Variants in ARHGEF11 observed in about 807,000 individuals in gnomAD.
ARHGEF11 encodes Rho guanine exchange factor (GEF) 11.
Under a neutral mutation model 193.7 loss-of-function variants are expected in ARHGEF11, and 55 were observed. The observed-to-expected ratio is 0.28, with a 90% confidence interval of 0.23 to 0.36. ARHGEF11 has a LOEUF of 0.36. ARHGEF11 is among the 10% of genes least tolerant of loss of function. The pLI, the probability that ARHGEF11 is intolerant of heterozygous loss-of-function variation, is 1.00. For missense variants in ARHGEF11, 1,723 were observed against 2,005.6 expected (o/e 0.86, Z 2.69); for synonymous variants, 693 against 768.0 (o/e 0.90, Z 1.62).
chr1:156,947,284 G>A lies in ARHGEF11; in HGVS notation c.2488+20C>T. ...TGAAGGGCAGCAGAAGAGGAGTCTGGAGGGGCACAGGCTCCTTACTGTGAA... is the reference window on the plus strand; with the variant it reads ...TGAAGGGCAGCAGAAGAGGAGTCTGAAGGGGCACAGGCTCCTTACTGTGAA... On this transcript the variant is annotated intron_variant, in intron 26 of 40. Transcript: ENST00000368194. 6.3e-7 allele frequency: 1 copy of A among 1,589,924 alleles called. No individual in the cohort carries two copies. The highest frequency in any genetic ancestry group is 8.5e-7 in the Non-Finnish European group (1 of 1,170,514).
At chr1:156,962,898 A>G (rs1045388707) in intron 13 of ARHGEF11, among the ~76,000 whole-genome samples, 2 of 150,812 alleles carry the variant, frequency 1.3e-5, no homozygotes, top group African/African-American at 4.9e-5. Flanking sequence ...AAAAAAAAAA[A>G]AAAAAAAAAA....
intron 22 of ARHGEF11, 149 bp downstream of exon 22, chr1:156,951,424 G>T (rs1407853531): frequency 9.5e-7 from 1 of 1,052,220 alleles, no homozygotes; most frequent in Non-Finnish European, 1.4e-6. Context: ...TGTGTCTCCT[G>T]AAGATACTGG....
At chr1:156,973,038 G>A (rs943679200) in intron 7 of ARHGEF11, among the ~76,000 whole-genome samples, 5 of 151,988 alleles carry the variant, frequency 3.3e-5, no homozygotes, top group Non-Finnish European at 2.9e-5. Flanking sequence ...TCTTTTCACA[G>A]CCACTTTTTT....
chr1:156,946,053 T>C lies in ARHGEF11; in HGVS notation c.2804A>G (p.His935Arg), dbSNP rs1428455144. The change falls in exon 29 of 41, where the codon CAC becomes CGC. Residue 935 changes from histidine to arginine, a missense_variant. His to Arg is a conservative substitution (Grantham distance 29). Transcript: ENST00000368194. The part of the protein sequence containing the change: ...YPLLLESIIK[H>R]TEGGTSEHEK... ...CCCTCCCCAGGTGCTACCCTCTGTG[T>C]GCTTGATGATGCTCTCCAGCAGCAG... 2.5e-6 allele frequency: 4 copies of C among 1,613,146 alleles called. No homozygotes were observed. Among genetic ancestry groups the C allele is most frequent in the South Asian group, 2.2e-5 (2 of 91,042 alleles).
rs1664886040 is a variant in ARHGEF11, at chr1:156,986,134, C to G, written c.72G>C (p.Glu24Asp). The change falls in exon 2 of 41, where the codon GAG becomes GAC. Residue 24 changes from glutamate (E) to aspartate (D), a missense_variant. By Grantham distance (45) the Glu-to-Asp change is conservative. Around this residue, in one of 5 missense-constraint regions of ARHGEF11, gnomAD observed 646 missense variants for 710.7 expected, o/e 0.91. Transcript: ENST00000368194. Reference sequence around the variant, plus strand: ...GGCGATGGTGGGAAGGGGACTTGCGCTCTGGTGCAGAATCTCCCAGAGAAG... The same window carrying G: ...GGCGATGGTGGGAAGGGGACTTGCGGTCTGGTGCAGAATCTCCCAGAGAAG... ...SLSSLGDSAP[E>D]RKSPSHHRQP... 1 of 1,613,962 alleles carries G rather than the reference C, an allele frequency of 6.2e-7. No individual in the cohort carries two copies. Among genetic ancestry groups the G allele is most frequent in the Admixed American group, 1.7e-5 (1 of 60,004 alleles).
intron 15 of ARHGEF11, among the ~76,000 whole-genome samples, chr1:156,959,472 T>C (rs1660464598): frequency 6.6e-6 from 1 of 152,214 alleles, no homozygotes; most frequent in Non-Finnish European, 1.5e-5. Flanking sequence ...CTGAGAGGCT[T>C]GTTCCCCTCT....
chr1:156,963,370 C>G, intron 12 of ARHGEF11, 66 bp from the exon 13 acceptor site: 1 of 1,523,346 alleles, frequency 6.6e-7, no homozygotes, highest in Non-Finnish European at 9.1e-7. Flanking sequence ...TCCAGCTTAG[C>G]TCCCATGTGA....
chr1:156,953,300 G>A (rs867454327), intron 21 of ARHGEF11, among the ~76,000 whole-genome samples: 1 of 152,194 alleles, frequency 6.6e-6, no homozygotes, highest in Non-Finnish European at 1.5e-5. Flanking sequence ...TTAGCCAGGT[G>A]TGGTGATATA....
intron 1 of ARHGEF11, among the ~76,000 whole-genome samples, chr1:157,015,481 G>A (rs771256470): frequency 5.3e-5 from 8 of 152,152 alleles, no homozygotes; most frequent in Non-Finnish European, 8.8e-5. Flanking sequence ...CCCTGGCTGG[G>A]TTATCTTTAC....
At chr1:157,021,870 C>T (rs1476276634) in intron 1 of ARHGEF11, among the ~76,000 whole-genome samples, 1 of 152,172 alleles carries the variant, frequency 6.6e-6, no homozygotes, top group African/African-American at 2.4e-5. Flanking sequence ...TGGGATTTAT[C>T]CCAGGAATGC....
chr1:156,943,864 C>G, intron 32 of ARHGEF11, 71 bp downstream of exon 32: 1 of 1,541,556 alleles, frequency 6.5e-7, no homozygotes. Context: ...CCAGACTGGC[C>G]CTGCCTCACC....
chr1:157,008,104 A>G (rs1430386597), intron 1 of ARHGEF11, among the ~76,000 whole-genome samples: 1 of 152,180 alleles, frequency 6.6e-6, no homozygotes, highest in African/African-American at 2.4e-5. Context: ...GAAACATTTC[A>G]TATAACTCAA....
At position 156,939,823 on chromosome 1, in the gene ARHGEF11, A is replaced by C. The variant is rs1407094575; in HGVS notation, c.3821T>G (p.Leu1274Arg). 2.8e-5 allele frequency: 45 copies of C among 1,613,402 alleles called. No homozygotes were observed. Among genetic ancestry groups the C allele is most frequent in the Non-Finnish European group, 3.7e-5 (44 of 1,179,934 alleles). ...TQAAQEPEDD[L>R]TPTPSVISVT... ...GCTGATGACAGAAGGTGTGGGTGTC[A>C]GGTCGTCCTCGGGCTCCTGGGCAGC... The change falls in exon 37 of 41, where the codon CTG becomes CGG. Residue 1274 changes from leucine (L) to arginine (R), a missense_variant. Physicochemically the swap from Leu to Arg is moderately radical, Grantham distance 102. This residue lies in a region of ARHGEF11 where 203 missense variants were observed against 237.3 expected (regional missense o/e 0.86). Transcript: ENST00000368194.
chr1:156,954,985 A>T (rs1252476020), intron 20 of ARHGEF11, 64 bp from the exon 21 acceptor site: 55 of 1,454,010 alleles, frequency 3.8e-5, no homozygotes, highest in Non-Finnish European at 5.2e-5. Flanking sequence ...TTTAAGAATC[A>T]AAATAAAAAT....
chr1:156,989,336 G>A (rs753190003), intron 1 of ARHGEF11, among the ~76,000 whole-genome samples: 6 of 151,826 alleles, frequency 4.0e-5, no homozygotes, highest in Non-Finnish European at 8.8e-5. Flanking sequence ...CACATGTCTA[G>A]TGCCTCATGC....
intron 1 of ARHGEF11, among the ~76,000 whole-genome samples, chr1:156,988,092 C>T (rs567458012): frequency 6.6e-6 from 1 of 152,298 alleles, no homozygotes; most frequent in South Asian, 2.1e-4. Context: ...AAGTATAATG[C>T]CTGATGCCCG....
chr1:156,973,463 GGTGATC>G (rs912057403), intron 7 of ARHGEF11, among the ~76,000 whole-genome samples: 6 of 152,230 alleles, frequency 3.9e-5, no homozygotes, highest in African/African-American at 1.4e-4. Flanking sequence ...TGGTGTTCTG[GGTGATC>G]TCTTTCGGTC....
intron 8 of ARHGEF11, 71 bp from the exon 9 acceptor site, chr1:156,970,114 C>T (rs1273343564): frequency 7.2e-6 from 10 of 1,388,926 alleles, no homozygotes; most frequent in Non-Finnish European, 9.2e-6. Context: ...TTTCACCAAT[C>T]AGTGCCTTAT....
chr1:156,981,366 C>A (rs538047876), intron 3 of ARHGEF11, among the ~76,000 whole-genome samples: 330 of 151,998 alleles, frequency 2.2e-3, no homozygotes, highest in Non-Finnish European at 2.3e-3. Flanking sequence ...TAAAATGGAC[C>A]AAATTAAGAG....
Sources: allele counts gnomAD v4.1 joint callset (sites outside exome capture counted in the v4.1 genomes callset), GRCh38; gene constraint gnomAD v4.1.1; regional missense constraint gnomAD v4.1.1; transcripts MANE v1.5; gene names NCBI Gene and HGNC (gene_info 2026-07-23, HGNC 2026-07-21).